The following CRPPA variants were observed in gnomAD, a reference collection of about 807,000 sequenced individuals.
CRPPA encodes the protein D-ribitol-5-phosphate cytidylyltransferase.
In CRPPA, 43 loss-of-function variants were observed where a neutral mutation model predicts 52.0. The observed-to-expected ratio is 0.83, with a 90% CI of 0.65 to 1.07. The LOEUF (loss-of-function observed/expected upper bound fraction) is 1.07. Among genes scored for constraint, CRPPA ranks in the 50% least tolerant of loss-of-function variants. CRPPA has a pLI of 0.00. For synonymous variants in CRPPA, 250 were observed against 203.5 expected, an observed-to-expected ratio of 1.23 and a Z score of -1.94; for missense variants, 629 against 551.7, an observed-to-expected ratio of 1.14 and a Z score of -1.40.
At chr7:16,408,548 G>C (rs189437201) in intron 1 of CRPPA, among the ~76,000 whole-genome samples, 7 of 152,348 alleles carry the variant, frequency 4.6e-5, no homozygotes, top group African/African-American at 1.7e-4. Context: ...AAAGAGGATA[G>C]GCAGCCATAG....
At chr7:16,131,042 C>T (rs1782671455) in intron 9 of CRPPA, among the ~76,000 whole-genome samples, 1 of 152,192 alleles carries the variant, frequency 6.6e-6, no homozygotes, top group Non-Finnish European at 1.5e-5. Context: ...TTGAACTTGC[C>T]AGTTTCTACA....
chr7:16,302,674 G>A (rs950259115), intron 4 of CRPPA, among the ~76,000 whole-genome samples: 3 of 152,114 alleles, frequency 2.0e-5, no homozygotes, highest in African/African-American at 7.2e-5. Context: ...ATAAAAGAGA[G>A]AAAAAATGAG....
At chr7:16,275,480 G>A (rs1784181597) in intron 6 of CRPPA, among the ~76,000 whole-genome samples, 1 of 152,158 alleles carries the variant, frequency 6.6e-6, no homozygotes, top group Non-Finnish European at 1.5e-5. Flanking sequence ...GGCCACGGAG[G>A]TGTTATTTTG....
intron 9 of CRPPA, among the ~76,000 whole-genome samples, chr7:16,181,899 T>G (rs1781419572): frequency 6.6e-6 from 1 of 151,940 alleles, no homozygotes; most frequent in South Asian, 2.1e-4. Context: ...AGTAAATAGG[T>G]TACAGGTTTT....
chr7:16,103,001 C>T (rs898920945), intron 9 of CRPPA, among the ~76,000 whole-genome samples: 1 of 152,166 alleles, frequency 6.6e-6, no homozygotes, highest in Non-Finnish European at 1.5e-5. Context: ...AAGACAGATG[C>T]ACACATATAT....
At chr7:16,266,210 C>T (rs1463749506) in intron 6 of CRPPA, 1 of 152,164 alleles carries the variant, frequency 6.6e-6, no homozygotes, top group African/African-American at 2.4e-5. Context: ...GAAGTGTCCT[C>T]CAATTTCAAT....
intron 8 of CRPPA, among the ~76,000 whole-genome samples, chr7:16,218,079 T>C (rs1482921410): frequency 1.3e-5 from 2 of 152,046 alleles, no homozygotes; most frequent in Admixed American, 1.3e-4. Flanking sequence ...CCCATCAGAC[T>C]AACAGCAGAT....
rs765462594 is a variant in CRPPA at position 16,244,101 on chromosome 7, T to C, written c.1119+14289A>G. ...TTTTAAGAAGATAAGACTATTTTAA[T>C]AAGTATCTTAGTTCTTTTAAAAACA... On this transcript the variant is annotated intron_variant, in intron 8 of 9. Coordinates refer to ENST00000407010, the MANE Select transcript of CRPPA (RefSeq NM_001101426.4). Among the ~76,000 whole-genome samples, 65 of 152,344 alleles carry C rather than the reference T, an allele frequency of 4.3e-4. No individual in the cohort carries two copies. The Middle Eastern group carries it at 0.01, about 24-fold the overall frequency.
At chr7:16,375,963 T>C in intron 3 of CRPPA, 129 bp downstream of exon 3, 6 of 855,466 alleles carry the variant, frequency 7.0e-6, no homozygotes, top group Non-Finnish European at 1.0e-5. Context: ...TAATACTTCA[T>C]TGTAATAAGT....
At chr7:16,159,269 T>C (rs918791295) in intron 9 of CRPPA, among the ~76,000 whole-genome samples, 1 of 152,120 alleles carries the variant, frequency 6.6e-6, no homozygotes, top group Non-Finnish European at 1.5e-5. Context: ...ATACACAAAT[T>C]AGCCCTGGTG....
At chr7:16,181,081 AT>A (rs1781404157) in intron 9 of CRPPA, among the ~76,000 whole-genome samples, 1 of 151,990 alleles carries the variant, frequency 6.6e-6, no homozygotes, top group African/African-American at 2.4e-5. Context: ...TAAATTGATA[AT>A]ATTTTTTCCT....
intron 9 of CRPPA, among the ~76,000 whole-genome samples, chr7:16,114,181 CA>C (rs771209305): frequency 2.2e-4 from 34 of 151,654 alleles, no homozygotes; most frequent in Middle Eastern, 6.8e-3. Flanking sequence ...TTCTAACAAG[CA>C]GAGAGAAATT....
rs34666735 is a variant in CRPPA, at chr7:16,302,295, CAAAAAAAAA to C, written c.790-838_790-830del. On this transcript the variant is annotated intron_variant, in intron 4 of 9. Transcript: ENST00000407010. Reference sequence around the variant, plus strand: ...TGGGCTACAGAGCGAGACTCTGTCTCAAAAAAAAAAAAAAAAAAAAAAAAAATGCAACCT... The same window carrying C: ...TGGGCTACAGAGCGAGACTCTGTCTCAAAAAAAAAAAAAAAAATGCAACCT... 2.5e-3 allele frequency among the ~76,000 whole-genome samples: 134 copies of C among 53,374 alleles called. 1 individual carries two copies. The highest frequency in any genetic ancestry group is 0.01 in the African/African-American group (129 of 12,890). 35.0% of individuals were successfully genotyped at this position (53,374 alleles called of 152,430 possible). A position where few individuals can be genotyped will look rare whatever the true frequency, so the allele number is the denominator to read the frequency against.
chr7:16,200,686 C>A (rs1335350710), intron 9 of CRPPA, among the ~76,000 whole-genome samples: 1 of 152,178 alleles, frequency 6.6e-6, no homozygotes, highest in Non-Finnish European at 1.5e-5. Flanking sequence ...AAACTTCTCA[C>A]AAGGCTTTTT....
intron 5 of CRPPA, among the ~76,000 whole-genome samples, chr7:16,293,908 T>G (rs1228347999): frequency 2.0e-5 from 3 of 151,986 alleles, no homozygotes; most frequent in Non-Finnish European, 2.9e-5. Context: ...GTAAGTGGTA[T>G]AGTCAAGCAT....
intron 9 of CRPPA, among the ~76,000 whole-genome samples, chr7:16,109,270 A>G (rs1782213843): frequency 6.6e-6 from 1 of 152,066 alleles, no homozygotes; most frequent in African/African-American, 2.4e-5. Context: ...GTAAGAGACT[A>G]CCTCAAACAA....
intron 3 of CRPPA, among the ~76,000 whole-genome samples, chr7:16,350,463 T>C (rs913095192): frequency 1.6e-4 from 25 of 152,108 alleles, no homozygotes; most frequent in African/African-American, 6.0e-4. Flanking sequence ...TATTAAAAAA[T>C]ATAAATTTTG....
chr7:16,158,943 TTTTA>T (rs1583397479), intron 9 of CRPPA, among the ~76,000 whole-genome samples: 2 of 145,716 alleles, frequency 1.4e-5, no homozygotes, highest in Non-Finnish European at 2.9e-5. Context: ...TGTGTTTTGT[TTTTA>T]TTTGTTTTTT....
chr7:16,287,200 T>C (rs1375617553), intron 5 of CRPPA, among the ~76,000 whole-genome samples: 3 of 152,206 alleles, frequency 2.0e-5, no homozygotes, highest in Non-Finnish European at 4.4e-5. Context: ...AGGCATAAAA[T>C]TGTCAACTTT....
Sources: allele counts gnomAD v4.1 joint callset (sites outside exome capture counted in the v4.1 genomes callset), GRCh38; gene constraint gnomAD v4.1.1; transcripts MANE v1.5; gene names NCBI Gene and HGNC (gene_info 2026-07-23, HGNC 2026-07-21).